TCERG1L: variants seen among roughly 807,000 people sequenced by gnomAD.
TCERG1L encodes transcription elongation regulator 1-like protein.
TCERG1L carries 37 observed loss-of-function variants against 56.3 expected under a neutral mutation model. That is an observed-to-expected ratio of 0.66 (90% CI 0.51 to 0.87). TCERG1L has a LOEUF of 0.87. Ranked by LOEUF, TCERG1L falls within the 40% of genes least tolerant of loss-of-function variation. The pLI, the probability that TCERG1L is intolerant of heterozygous loss-of-function variation, is 0.00. For synonymous variants in TCERG1L, 324 were observed against 326.3 expected (o/e 0.99, Z 0.08); for missense variants, 799 against 774.2 (o/e 1.03, Z -0.38).
chr10:131,309,966 C>T (rs990178814), intron 1 of TCERG1L, among the ~76,000 whole-genome samples: 2 of 151,634 alleles, frequency 1.3e-5, no homozygotes, highest in African/African-American at 4.8e-5. Context: ...TAACTGAGAC[C>T]TCATAAGGCA....
At chr10:131,172,334 G>A (rs1320612618) in intron 4 of TCERG1L, among the ~76,000 whole-genome samples, 1 of 152,134 alleles carries the variant, frequency 6.6e-6, no homozygotes, top group Non-Finnish European at 1.5e-5. Flanking sequence ...AAGTGAATGG[G>A]CCCCAAGGAA....
chr10:131,215,808 C>T (rs552465262), intron 4 of TCERG1L, among the ~76,000 whole-genome samples: 2 of 152,182 alleles, frequency 1.3e-5, no homozygotes, highest in Non-Finnish European at 2.9e-5. Flanking sequence ...CAGAGAAGGA[C>T]AAACTGACCA....
At chr10:131,117,677 G>A (rs759030358) in intron 8 of TCERG1L, among the ~76,000 whole-genome samples, 7 of 152,164 alleles carry the variant, frequency 4.6e-5, no homozygotes, top group Non-Finnish European at 8.8e-5. Flanking sequence ...GGGCTGGGCA[G>A]CTCACCAGCA....
At chr10:131,177,729 G>A (rs1845119104) in intron 4 of TCERG1L, among the ~76,000 whole-genome samples, 1 of 152,118 alleles carries the variant, frequency 6.6e-6, no homozygotes, top group African/African-American at 2.4e-5. Context: ...CCGGCACAGA[G>A]CAGCAGGCTC....
At chr10:131,233,491 C>G (rs71478077) in intron 4 of TCERG1L, among the ~76,000 whole-genome samples, 1 of 150,258 alleles carries the variant, frequency 6.7e-6, no homozygotes. Flanking sequence ...CACACACGCT[C>G]ACACACACAC....
At chr10:131,293,124 T>C (rs1435318923) in intron 3 of TCERG1L, among the ~76,000 whole-genome samples, 1 of 152,240 alleles carries the variant, frequency 6.6e-6, no homozygotes, top group Admixed American at 6.5e-5. Flanking sequence ...GCGCTGGGAT[T>C]AAAGGCATGA....
intron 9 of TCERG1L, among the ~76,000 whole-genome samples, chr10:131,116,182 C>T (rs949601230): frequency 6.6e-6 from 1 of 152,192 alleles, no homozygotes; most frequent in African/African-American, 2.4e-5. Context: ...GATCTGAATA[C>T]AAAATCCCCC....
intron 4 of TCERG1L, among the ~76,000 whole-genome samples, chr10:131,252,228 C>G (rs1846119203): frequency 1.3e-5 from 2 of 152,178 alleles, no homozygotes; most frequent in Non-Finnish European, 2.9e-5. Context: ...CATGGGTGCA[C>G]AGATAGCTGT....
At chr10:131,163,612 G>A (rs531684750) in intron 5 of TCERG1L, among the ~76,000 whole-genome samples, 25 of 152,290 alleles carry the variant, frequency 1.6e-4, no homozygotes, top group South Asian at 6.2e-4. Context: ...AGCATTTAGT[G>A]GCAGAGAGCC....
At position 131,120,572 on chromosome 10, in the gene TCERG1L, T is replaced by C. The variant is rs530348851; in HGVS notation, c.1260-3638A>G. 2.6e-5 allele frequency among the ~76,000 whole-genome samples: 4 copies of C among 152,324 alleles called. No homozygotes were observed. In the East Asian group the frequency reaches 7.7e-4, roughly 29 times the overall value. On this transcript the variant is annotated intron_variant, in intron 8 of 11. Coordinates refer to ENST00000368642, the MANE Select transcript of TCERG1L (RefSeq NM_174937.4). The stretch of plus-strand genomic sequence containing the variant: ...GGCTAGAGGAATGGGATGTGTGATA[T>C]TCAGTTTCCCCAGCCAGGCTGAGGC...
At chr10:131,168,148 C>T (rs1383154556) in intron 4 of TCERG1L, among the ~76,000 whole-genome samples, 9 of 152,200 alleles carry the variant, frequency 5.9e-5, no homozygotes, top group South Asian at 2.1e-4. Context: ...TCACTTTATA[C>T]GTGTGTGCAC....
chr10:131,156,255 A>G (rs1033123007), intron 6 of TCERG1L: 2 of 152,174 alleles, frequency 1.3e-5, no homozygotes, highest in African/African-American at 4.8e-5. Flanking sequence ...CATGATTTTG[A>G]TACTAGTTTT....
chr10:131,186,877 A>G lies in TCERG1L; in HGVS notation c.857-19992T>C, dbSNP rs559710427. Among the ~76,000 whole-genome samples, 4 of 152,302 alleles carry G rather than the reference A, an allele frequency of 2.6e-5. No individual in the cohort carries two copies. The South Asian group carries it at 8.3e-4, about 32-fold the overall frequency. On this transcript the variant is annotated intron_variant, in intron 4 of 11. Transcript: ENST00000368642. The stretch of plus-strand genomic sequence containing the variant: ...CCCCAAGGAGGAAGATAATGTCTCG[A>G]TTTACCCCCACAGAAACATTGTTAG...
Position 131,118,694 on chromosome 10 carries a change from G to A in TCERG1L, c.1260-1760C>T, listed in dbSNP as rs73394505. Among the ~76,000 whole-genome samples, 89 of 152,242 alleles carry A rather than the reference G, an allele frequency of 5.8e-4. No homozygotes were observed. Among genetic ancestry groups the A allele is most frequent in the African/African-American group, 2.0e-3 (83 of 41,556 alleles). ...CATCCACTGACCCCCAACCCTGACCGTGGCTATCAAATCCTGCTTTTCCAT... is the reference window on the plus strand; with the variant it reads ...CATCCACTGACCCCCAACCCTGACCATGGCTATCAAATCCTGCTTTTCCAT... On this transcript the variant is annotated intron_variant, in intron 8 of 11. Transcript: ENST00000368642. The surrounding 1 kb of genome is among the most constrained non-coding windows in gnomAD (Gnocchi z 4.2).
intron 4 of TCERG1L, among the ~76,000 whole-genome samples, chr10:131,254,948 G>A (rs1846152350): frequency 6.6e-6 from 1 of 152,190 alleles, no homozygotes; most frequent in South Asian, 2.1e-4. Flanking sequence ...GGAAGTGGAG[G>A]TAGTTGCATC....
chr10:131,276,696 A>G (rs1199210798), intron 3 of TCERG1L, among the ~76,000 whole-genome samples: 2 of 152,090 alleles, frequency 1.3e-5, no homozygotes, highest in Non-Finnish European at 2.9e-5. Context: ...TCATCAAGAT[A>G]CCAAATATGC....
chr10:131,278,937 C>T (rs963942665), intron 3 of TCERG1L, among the ~76,000 whole-genome samples: 1 of 152,208 alleles, frequency 6.6e-6, no homozygotes, highest in African/African-American at 2.4e-5. Flanking sequence ...CAACCCCACA[C>T]CTCCCTCCGG....
At chr10:131,135,855 C>T (rs1845670599) in intron 7 of TCERG1L, among the ~76,000 whole-genome samples, 1 of 152,242 alleles carries the variant, frequency 6.6e-6, no homozygotes, top group South Asian at 2.1e-4. Flanking sequence ...TTCCCATGGG[C>T]AGTGCAGAGC....
intron 9 of TCERG1L, among the ~76,000 whole-genome samples, chr10:131,109,518 C>T (rs1432243345): frequency 3.9e-5 from 6 of 152,136 alleles, no homozygotes; most frequent in African/African-American, 7.2e-5. Flanking sequence ...ACGCTGGAGC[C>T]GCCTCAGTGG....
Sources: allele counts gnomAD v4.1 joint callset (sites outside exome capture counted in the v4.1 genomes callset), GRCh38; gene constraint gnomAD v4.1.1; non-coding constraint Gnocchi (gnomAD v3.1); transcripts MANE v1.5; gene names NCBI Gene and HGNC (gene_info 2026-07-23, HGNC 2026-07-21).